PCDHA1: variants seen among roughly 807,000 people sequenced by gnomAD.
The protein encoded by PCDHA1 is protocadherin alpha-1.
In PCDHA1, 42 loss-of-function variants were observed where a neutral mutation model predicts 61.3. That is an observed-to-expected ratio of 0.69 (90% confidence interval 0.54 to 0.89). The LOEUF is 0.89. Among genes scored for constraint, PCDHA1 ranks in the 40% least tolerant of loss-of-function variants. The pLI is 0.00. For missense variants in PCDHA1, 1,256 were observed against 1,235.3 expected, an observed-to-expected ratio of 1.02 and a Z score of -0.25; for synonymous variants, 610 against 553.8, an observed-to-expected ratio of 1.10 and a Z score of -1.43.
chr5:140,883,791 T>C, intron 1 of PCDHA1: 3 of 1,612,422 alleles, frequency 1.9e-6, no homozygotes, highest in Middle Eastern at 3.9e-4. Flanking sequence ...TCGAGCTACG[T>C]GTCGGTGCAC....
chr5:140,927,247 G>A (rs782521189), intron 1 of PCDHA1: 7 of 1,613,978 alleles, frequency 4.3e-6, no homozygotes, highest in Middle Eastern at 3.3e-4. Flanking sequence ...GGACACCAAT[G>A]ACAACTCACC....
chr5:141,011,122 A>G lies in PCDHA1; in HGVS notation c.*1185A>G, dbSNP rs1554263297. On this transcript the variant is annotated 3_prime_UTR_variant, in exon 4 of 4. Transcript: ENST00000504120. ...TCTCTCTCTTTTCTAAGAAACAATT[A>G]TGTGCACTTTGATACACAACCTTCT... 1 of 153,686 alleles carries G rather than the reference A, an allele frequency of 6.5e-6. No homozygotes were observed. Among genetic ancestry groups the G allele is most frequent in the Non-Finnish European group, 1.5e-5 (1 of 68,034 alleles). 9.5% of individuals were successfully genotyped at this position (153,686 alleles called of 1,614,324 possible).
At chr5:140,998,850 A>G (rs904977478) in intron 3 of PCDHA1, among the ~76,000 whole-genome samples, 18 of 152,234 alleles carry the variant, frequency 1.2e-4, no homozygotes, top group Non-Finnish European at 2.1e-4. Context: ...GGTGTGAGCC[A>G]CATGCCTGGC....
chr5:140,857,815 G>A (rs782354426), intron 1 of PCDHA1: 2 of 1,597,792 alleles, frequency 1.3e-6, no homozygotes, highest in East Asian at 4.5e-5. Context: ...CGGGTCACGT[G>A]GTGGCTAAGG....
chr5:140,985,619 G>C (rs961379624), intron 3 of PCDHA1, among the ~76,000 whole-genome samples: 2 of 152,064 alleles, frequency 1.3e-5, no homozygotes, highest in African/African-American at 2.4e-5. Context: ...TGAACCAGCT[G>C]TGTATTGCTC....
intron 1 of PCDHA1, among the ~76,000 whole-genome samples, chr5:140,952,639 G>C (rs2094775564): frequency 6.6e-6 from 1 of 152,102 alleles, no homozygotes; most frequent in Non-Finnish European, 1.5e-5. Flanking sequence ...ATTCCAACCT[G>C]TGCCTGGTTA....
At chr5:140,991,026 T>A (rs1003749305) in intron 3 of PCDHA1, among the ~76,000 whole-genome samples, 8 of 152,210 alleles carry the variant, frequency 5.3e-5, no homozygotes, top group Admixed American at 2.0e-4. Context: ...ACTTTACATA[T>A]GTTGCATACT....
At chr5:140,876,861 C>A in intron 1 of PCDHA1, 2 of 1,614,088 alleles carry the variant, frequency 1.2e-6, no homozygotes, top group Non-Finnish European at 1.7e-6. Flanking sequence ...ACACAGTGTT[C>A]GTGAAGGAGA....
At chr5:140,921,750 C>T (rs2080373281) in intron 1 of PCDHA1, among the ~76,000 whole-genome samples, 2 of 152,056 alleles carry the variant, frequency 1.3e-5, no homozygotes, top group African/African-American at 4.8e-5. Context: ...CATAACAGGA[C>T]ACTTCTTGGC....
chr5:140,971,414 AT>A (rs2096477673), intron 1 of PCDHA1, among the ~76,000 whole-genome samples: 1 of 152,166 alleles, frequency 6.6e-6, no homozygotes, highest in African/African-American at 2.4e-5. Flanking sequence ...ACTTTTGGAA[AT>A]CCAGTGAAGA....
In PCDHA1 at chr5:140,802,602, C is replaced by G. The variant is rs782651284; in HGVS notation, c.2394+13918C>G. 3 of 1,613,958 alleles carry G rather than the reference C, an allele frequency of 1.9e-6. No individual in the cohort carries two copies. The East Asian group carries it at 6.7e-5, about 36-fold the overall frequency. On this transcript the variant is annotated intron_variant, in intron 1 of 3. Transcript: ENST00000504120. Reference sequence around the variant, plus strand: ...CACGGTGTTCGTGAAGGAGAACAACCCGCCGGGCTGCCACATCTTCACGGT... The same window carrying G: ...CACGGTGTTCGTGAAGGAGAACAACGCGCCGGGCTGCCACATCTTCACGGT...
chr5:140,894,724 C>T (rs1322007306), intron 1 of PCDHA1, among the ~76,000 whole-genome samples: 7 of 151,784 alleles, frequency 4.6e-5, no homozygotes, highest in African/African-American at 9.7e-5. Context: ...TCAAATATTA[C>T]GTAGCAATTT....
chr5:140,952,734 C>T (rs143946641), intron 1 of PCDHA1, among the ~76,000 whole-genome samples: 1 of 152,272 alleles, frequency 6.6e-6, no homozygotes, highest in East Asian at 1.9e-4. Flanking sequence ...CTAGTCTTTT[C>T]TCACACTGCT....
chr5:140,973,741 G>C (rs925905924), intron 1 of PCDHA1, among the ~76,000 whole-genome samples: 1 of 152,206 alleles, frequency 6.6e-6, no homozygotes, highest in Admixed American at 6.5e-5. Context: ...GTCTAACTCA[G>C]AACACTCTGC....
chr5:140,861,316 C>T (rs1554154495), intron 1 of PCDHA1: 4 of 215,598 alleles, frequency 1.9e-5, no homozygotes, highest in African/African-American at 9.3e-5. Context: ...AGGACCAGTT[C>T]CACTACACCA....
At chr5:140,975,475 A>G (rs546732390) in intron 1 of PCDHA1, among the ~76,000 whole-genome samples, 5 of 152,368 alleles carry the variant, frequency 3.3e-5, no homozygotes, top group African/African-American at 1.2e-4. Flanking sequence ...TCTGCCTATC[A>G]GTTTATATCA....
At chr5:140,974,724 C>T (rs893225073) in intron 1 of PCDHA1, among the ~76,000 whole-genome samples, 11 of 152,168 alleles carry the variant, frequency 7.2e-5, no homozygotes, top group Admixed American at 2.6e-4. Flanking sequence ...TGCTCTCGAA[C>T]TCCTGTCTCC....
rs2150386849 is a variant in PCDHA1, at chr5:140,846,316, A to G, written c.2394+57632A>G. ...TGAATTAAGTAAACCATTTATGTAG[A>G]GTGTTGTAAATAGCCTTTTAAAGTG... On this transcript the variant is annotated intron_variant, in intron 1 of 3. Transcript: ENST00000504120. 2.4e-3 allele frequency among the ~76,000 whole-genome samples: 359 copies of G among 147,560 alleles called. 12 individuals carry two copies. Among genetic ancestry groups the G allele is most frequent in the African/African-American group, 8.0e-3 (325 of 40,542 alleles).
At position 140,894,082 on chromosome 5, in the gene PCDHA1, A is replaced by C. The variant is rs2064311424; in HGVS notation, c.2395-84867A>C. On this transcript the variant is annotated intron_variant, in intron 1 of 3. Transcript: ENST00000504120. ...TTTTTAAATACATTTATTTTATTCC[A>C]GTATCTTCTAGCTCCTGGTGTTGCA... 3.3e-5 allele frequency among the ~76,000 whole-genome samples: 5 copies of C among 152,174 alleles called. No homozygotes were observed. In the South Asian group the frequency reaches 8.3e-4, roughly 25 times the overall value.
Sources: gnomAD v4.1 joint callset for allele counts (sites outside exome capture counted in the v4.1 genomes callset) on GRCh38, gnomAD v4.1.1 for gene constraint, MANE v1.5 for transcripts, NCBI Gene and HGNC (gene_info 2026-07-23, HGNC 2026-07-21) for gene names.